Variants in SRD5A1 observed in about 807,000 individuals in gnomAD.
SRD5A1 encodes steroid 5 alpha-reductase 1, also known as 3-oxo-5-alpha-steroid 4-dehydrogenase 1.
SRD5A1 carries 22 observed loss-of-function variants against 28.2 expected under a neutral mutation model. That is an observed-to-expected ratio of 0.78 (90% confidence interval 0.56 to 1.12). SRD5A1 has a LOEUF of 1.12. Among genes scored for constraint, SRD5A1 ranks in the 50% most tolerant of loss-of-function variants. The pLI, the probability that SRD5A1 is intolerant of heterozygous loss-of-function variation, is 0.00. For missense variants in SRD5A1, 300 were observed against 346.7 expected (o/e 0.87, Z 1.07); for synonymous variants, 151 against 135.0 (o/e 1.12, Z -0.82).
chr5:6,673,999 CTAT>C lies in SRD5A1; in HGVS notation c.*5738_*5740del, dbSNP rs1046099997. 6 of 151,956 alleles carry C rather than the reference CTAT, an allele frequency of 3.9e-5. No homozygotes were observed. The highest frequency in any genetic ancestry group is 4.8e-5 in the African/African-American group (2 of 41,362). The allele number at this position is 151,956 out of a possible 1,614,324, so 9.4% of individuals were successfully genotyped here. On this transcript the variant is annotated 3_prime_UTR_variant, in exon 5 of 5. Transcript: ENST00000274192. ...ACAAACAAATTTTAGGGCAGTGAAA[CTAT>C]TATTATGATACTTTATGGATATAGA...
intron 1 of SRD5A1, among the ~76,000 whole-genome samples, chr5:6,640,897 A>G (rs1738338808): frequency 6.6e-6 from 1 of 152,224 alleles, no homozygotes; most frequent in Non-Finnish European, 1.5e-5. Flanking sequence ...TTCTCTTAAA[A>G]ATGGTTTCCA....
At chr5:6,660,681 G>T (rs530511178) in intron 3 of SRD5A1, among the ~76,000 whole-genome samples, 4 of 152,172 alleles carry the variant, frequency 2.6e-5, no homozygotes, top group Non-Finnish European at 5.9e-5. Flanking sequence ...TGGGCATTAA[G>T]TTTGATATTT....
intron 1 of SRD5A1, among the ~76,000 whole-genome samples, chr5:6,644,079 C>T (rs1307924422): frequency 6.6e-6 from 1 of 152,212 alleles, no homozygotes; most frequent in Non-Finnish European, 1.5e-5. Flanking sequence ...GGAACGTCCA[C>T]CACATACGCA....
chr5:6,650,105 G>T (rs1417568566), intron 1 of SRD5A1, among the ~76,000 whole-genome samples: 1 of 151,964 alleles, frequency 6.6e-6, no homozygotes, highest in Admixed American at 6.6e-5. Context: ...GTCTTTCAAG[G>T]ACTTTGTCTA....
intron 4 of SRD5A1, among the ~76,000 whole-genome samples, chr5:6,664,561 G>C (rs1409370336): frequency 6.6e-6 from 1 of 152,056 alleles, no homozygotes; most frequent in Non-Finnish European, 1.5e-5. Flanking sequence ...TGCACCACCA[G>C]GCCTGGCTAA....
rs1193346739 is a variant in SRD5A1, at chr5:6,652,010, T to A, written c.460+2T>A. 6.2e-7 allele frequency: 1 copy of A among 1,612,238 alleles called. No homozygotes were observed. Among genetic ancestry groups the A allele is most frequent in the African/African-American group, 1.3e-5 (1 of 74,878 alleles). ...TAACAGATCCCCGTTTTCTAATAGG[T>A]GAGTGTCCACAGCAGTGAACTCCGC... On this transcript the variant is annotated splice_donor_variant, in intron 2 of 4. Transcript: ENST00000274192. LOFTEE classifies it high-confidence loss of function.
intron 4 of SRD5A1, among the ~76,000 whole-genome samples, chr5:6,666,128 C>G (rs1215458612): frequency 6.6e-6 from 1 of 152,158 alleles, no homozygotes; most frequent in Non-Finnish European, 1.5e-5. Context: ...TGCCAAGGAT[C>G]TATTCCTTGC....
At chr5:6,652,626 C>T (rs1201300634) in intron 2 of SRD5A1, among the ~76,000 whole-genome samples, 2 of 152,056 alleles carry the variant, frequency 1.3e-5, no homozygotes, top group South Asian at 4.1e-4. Flanking sequence ...AATCCTAGCA[C>T]TTTGGGAGGC....
chr5:6,651,673 A>G (rs1738675232), intron 1 of SRD5A1, among the ~76,000 whole-genome samples, 169 bp from the exon 2 acceptor site: 1 of 152,206 alleles, frequency 6.6e-6, no homozygotes. Context: ...AAATAAAATT[A>G]AAATCAAAAT....
intron 4 of SRD5A1, among the ~76,000 whole-genome samples, chr5:6,666,007 C>G (rs1561006182): frequency 6.6e-6 from 1 of 152,074 alleles, no homozygotes; most frequent in South Asian, 2.1e-4. Context: ...GAAGTATGTT[C>G]AGAAATGTAG....
rs532759190 is a variant in SRD5A1 at position 6,673,051 on chromosome 5, G to A, written c.*4783G>A. 3.9e-5 allele frequency: 6 copies of A among 152,076 alleles called. No homozygotes were observed. The highest frequency in any genetic ancestry group is 2.1e-4 in the South Asian group (1 of 4,816). The allele number at this position is 152,076 out of a possible 1,614,324, so 9.4% of individuals were successfully genotyped here. A position where few individuals can be genotyped will look rare whatever the true frequency, so the allele number is the denominator to read the frequency against. On this transcript the variant is annotated 3_prime_UTR_variant, in exon 5 of 5. Coordinates refer to ENST00000274192, the MANE Select transcript of SRD5A1 (RefSeq NM_001047.4). ...GGCTTCACGTAGCCGGGAAAACTCC[G>A]TTCCCAATTCAGATCCTCTGGGGAG...
At chr5:6,645,059 G>C in intron 1 of SRD5A1, 1 of 453,620 alleles carries the variant, frequency 2.2e-6, no homozygotes, top group South Asian at 1.6e-5. Flanking sequence ...AGTCTTCCTA[G>C]GGGTCCTGGC....
intron 1 of SRD5A1, 133 bp downstream of exon 1, chr5:6,634,002 G>A: frequency 6.1e-6 from 6 of 978,368 alleles, no homozygotes; most frequent in Non-Finnish European, 9.0e-6. Context: ...GATCCCCCGG[G>A]GCGTCCCCCA....
intron 4 of SRD5A1, among the ~76,000 whole-genome samples, chr5:6,667,667 A>G (rs1259466274): frequency 1.3e-5 from 2 of 152,236 alleles, no homozygotes; most frequent in Admixed American, 1.3e-4. Flanking sequence ...TGTTTCGAGC[A>G]CAAGGCTGAA....
At chr5:6,664,680 C>T (rs1052892164) in intron 4 of SRD5A1, among the ~76,000 whole-genome samples, 27 of 152,202 alleles carry the variant, frequency 1.8e-4, no homozygotes, top group African/African-American at 6.5e-4. Flanking sequence ...TGCTAGGATT[C>T]GAGGCGTGAG....
rs1172908462 is a variant in SRD5A1, at chr5:6,668,424, C to T, written c.*156C>T. 4.0e-6 allele frequency: 2 copies of T among 503,520 alleles called. No homozygotes were observed. Among genetic ancestry groups the T allele is most frequent in the East Asian group, 3.4e-5 (1 of 29,550 alleles). 31.2% of individuals were successfully genotyped at this position (503,520 alleles called of 1,614,324 possible). On this transcript the variant is annotated 3_prime_UTR_variant, in exon 5 of 5. Transcript: ENST00000274192. ...TTTTTCTAGTAATTTTGCAATCTACCTAATAAGTACCTAAATACGCTGAAA... is the reference window on the plus strand; with the variant it reads ...TTTTTCTAGTAATTTTGCAATCTACTTAATAAGTACCTAAATACGCTGAAA...
At chr5:6,637,556 A>G (rs1400058045) in intron 1 of SRD5A1, among the ~76,000 whole-genome samples, 1 of 152,206 alleles carries the variant, frequency 6.6e-6, no homozygotes, top group South Asian at 2.1e-4. Context: ...AGCTTTGTTC[A>G]GTATTCCCTG....
At chr5:6,637,929 C>T (rs1041590108) in intron 1 of SRD5A1, among the ~76,000 whole-genome samples, 3 of 152,226 alleles carry the variant, frequency 2.0e-5, no homozygotes, top group African/African-American at 7.2e-5. Context: ...TTAATGGGCT[C>T]CTGTGGGGAG....
chr5:6,638,181 A>G (rs1185858518), intron 1 of SRD5A1, among the ~76,000 whole-genome samples: 1 of 152,198 alleles, frequency 6.6e-6, no homozygotes, highest in Non-Finnish European at 1.5e-5. Context: ...TCTACTAAAA[A>G]TACAAAATTT....
Sources: allele counts gnomAD v4.1 joint callset (sites outside exome capture counted in the v4.1 genomes callset), GRCh38; gene constraint gnomAD v4.1.1; transcripts MANE v1.5; gene names NCBI Gene and HGNC (gene_info 2026-07-23, HGNC 2026-07-21).